The following SLC35F3 variants were observed in gnomAD, a reference collection of about 807,000 sequenced individuals.
SLC35F3 encodes putative thiamine transporter SLC35F3.
SLC35F3 carries 25 observed loss-of-function variants against 49.9 expected under a neutral mutation model. That is an observed-to-expected ratio of 0.50 (90% CI 0.37 to 0.70). The LOEUF (loss-of-function observed/expected upper bound fraction) is 0.70, where lower values mean the gene tolerates loss of function less well. Ranked by LOEUF, SLC35F3 falls within the 30% of genes least tolerant of loss-of-function variation. The probability of loss-of-function intolerance (pLI) is 0.00; values close to 1 mark genes in which losing one functional copy is unlikely to be tolerated. For missense variants in SLC35F3, 525 were observed against 639.8 expected (o/e 0.82, Z 1.94); for synonymous variants, 275 against 265.4 (o/e 1.04, Z -0.35).
At chr1:234,196,265 G>A (rs911143995) in intron 2 of SLC35F3, among the ~76,000 whole-genome samples, 9 of 152,286 alleles carry the variant, frequency 5.9e-5, no homozygotes, top group South Asian at 2.1e-4. Flanking sequence ...AAATTTCTGC[G>A]TAATCTTCCC....
At chr1:234,227,223 A>G (rs1341695183) in intron 2 of SLC35F3, among the ~76,000 whole-genome samples, 4 of 152,154 alleles carry the variant, frequency 2.6e-5, no homozygotes, top group South Asian at 2.1e-4. Context: ...AAGGCACAAG[A>G]TGATCATAAA....
chr1:234,206,033 G>A (rs61822416), intron 2 of SLC35F3, among the ~76,000 whole-genome samples: 63,063 of 151,982 alleles, frequency 0.41, 16,069 homozygotes, highest in Non-Finnish European at 0.58. Context: ...ACTTGCTGGT[G>A]AGGATGTTAT....
chr1:234,151,223 C>T (rs1226605846), intron 2 of SLC35F3, among the ~76,000 whole-genome samples: 1 of 151,144 alleles, frequency 6.6e-6, no homozygotes. Flanking sequence ...GCCAGGAAAT[C>T]CCAGAAAGCA....
chr1:233,926,961 G>A (rs1461607481), intron 2 of SLC35F3, among the ~76,000 whole-genome samples: 2 of 152,180 alleles, frequency 1.3e-5, no homozygotes, highest in African/African-American at 2.4e-5. Flanking sequence ...GGTATCACCA[G>A]CGGAGGCTGC....
intron 3 of SLC35F3, among the ~76,000 whole-genome samples, chr1:234,244,817 T>C (rs1436494435): frequency 6.6e-6 from 1 of 152,198 alleles, no homozygotes; most frequent in African/African-American, 2.4e-5. Flanking sequence ...GATTTGTGCA[T>C]TTAGGGTCTT....
Position 234,214,634 on chromosome 1 carries a change from C to A in SLC35F3, c.284-16783C>A. On this transcript the variant is annotated intron_variant, in intron 2 of 7. Coordinates refer to ENST00000366618, the MANE Select transcript of SLC35F3 (RefSeq NM_173508.4). This position sits in a 1 kb window ranked among gnomAD's most constrained non-coding sequence, Gnocchi z 8.0. Reference sequence around the variant, plus strand: ...CACCCTAGCCGGGGAATGCTGCCACCCTGAGGGGGGCTGTCTGGCTGCGGG... The same window carrying A: ...CACCCTAGCCGGGGAATGCTGCCACACTGAGGGGGGCTGTCTGGCTGCGGG... 6.7e-7 allele frequency: 1 copy of A among 1,496,742 alleles called. No homozygotes were observed. The highest frequency in any genetic ancestry group is 8.9e-7 in the Non-Finnish European group (1 of 1,120,438). 92.7% of individuals were successfully genotyped at this position (1,496,742 alleles called of 1,614,324 possible).
chr1:234,280,962 C>T (rs894519910), intron 3 of SLC35F3, among the ~76,000 whole-genome samples: 4 of 152,152 alleles, frequency 2.6e-5, no homozygotes, highest in South Asian at 2.1e-4. Context: ...TGAAGGGCTG[C>T]GGATCCTGCA....
At chr1:234,177,060 G>A (rs1407916767) in intron 2 of SLC35F3, among the ~76,000 whole-genome samples, 3 of 152,154 alleles carry the variant, frequency 2.0e-5, no homozygotes, top group South Asian at 2.1e-4. Flanking sequence ...GGAACCCAGC[G>A]GGAGGTGAGT....
intron 2 of SLC35F3, among the ~76,000 whole-genome samples, chr1:234,148,124 A>T (rs1472389290): frequency 2.0e-5 from 3 of 152,290 alleles, no homozygotes; most frequent in Non-Finnish European, 4.4e-5. Flanking sequence ...CTGCCAAGTT[A>T]TCCCTTCCTG....
chr1:234,013,910 T>TA (rs1217619405), intron 2 of SLC35F3, among the ~76,000 whole-genome samples: 1 of 151,868 alleles, frequency 6.6e-6, no homozygotes, highest in Non-Finnish European at 1.5e-5. Flanking sequence ...CAAATATTTT[T>TA]AAAAATAATA....
In SLC35F3 at chr1:234,034,939, TC is replaced by T. The variant is rs574131161; in HGVS notation, c.283+129183del. 1.5e-3 allele frequency among the ~76,000 whole-genome samples: 232 copies of T among 152,320 alleles called. 1 individual carries two copies. The highest frequency in any genetic ancestry group is 5.5e-3 in the African/African-American group (228 of 41,582). Reference sequence around the variant, plus strand: ...TCTATGACCCTATCATAAATTCAACTCCAAACTCTGCACCAATTTTTTTTAA... The same window carrying T: ...TCTATGACCCTATCATAAATTCAACTCAAACTCTGCACCAATTTTTTTTAA... On this transcript the variant is annotated intron_variant, in intron 2 of 7. Transcript: ENST00000366618.
In SLC35F3 at chr1:234,115,414, A is replaced by G. The variant is rs189131492; in HGVS notation, c.284-116003A>G. Among the ~76,000 whole-genome samples the G allele has an allele frequency of 5.9e-3, 894 of 152,238 alleles. 3 individuals are homozygous for G. Among genetic ancestry groups the G allele is most frequent in the Admixed American group, 0.017 (261 of 15,290 alleles). ...ACATAATGGGCTGCTCTGAGGACCA[A>G]TGCTTTGCCAACCCAAAGCATTTCC... On this transcript the variant is annotated intron_variant, in intron 2 of 7. Transcript: ENST00000366618.
intron 3 of SLC35F3, among the ~76,000 whole-genome samples, chr1:234,244,092 A>G (rs1274157236): frequency 6.6e-6 from 1 of 152,216 alleles, no homozygotes; most frequent in Non-Finnish European, 1.5e-5. Context: ...CATAACAGCT[A>G]GCATGACATT....
At chr1:234,072,704 G>A (rs72756194) in intron 2 of SLC35F3, among the ~76,000 whole-genome samples, 1 of 152,314 alleles carries the variant, frequency 6.6e-6, no homozygotes, top group Non-Finnish European at 1.5e-5. Flanking sequence ...TTGCAATGAG[G>A]CTATGCTTGA....
At chr1:234,035,484 C>T (rs564057209) in intron 2 of SLC35F3, among the ~76,000 whole-genome samples, 6 of 152,146 alleles carry the variant, frequency 3.9e-5, no homozygotes, top group Non-Finnish European at 7.3e-5. Flanking sequence ...TTGGAACACT[C>T]AGAAACTCAG....
chr1:234,243,363 A>G (rs1456004789), intron 3 of SLC35F3, among the ~76,000 whole-genome samples: 1 of 152,108 alleles, frequency 6.6e-6, no homozygotes. Context: ...AAAATAATAA[A>G]GTGTTACTGG....
In SLC35F3 at chr1:234,281,557, A is replaced by C. The variant is rs115268434; in HGVS notation, c.609-27544A>C. 2.7e-3 allele frequency among the ~76,000 whole-genome samples: 417 copies of C among 152,328 alleles called. 2 individuals are homozygous for C. The highest frequency in any genetic ancestry group is 9.4e-3 in the African/African-American group (390 of 41,568). ...AAACAGTGATGTAAGAAGATGTTAA[A>C]ACAGACTTTTCAAAACATCTCAGAA... is the stretch of plus-strand genomic sequence containing the variant. On this transcript the variant is annotated intron_variant, in intron 3 of 7. Transcript: ENST00000366618.
intron 2 of SLC35F3, among the ~76,000 whole-genome samples, chr1:233,981,413 A>G (rs565468468): frequency 6.6e-6 from 1 of 152,328 alleles, no homozygotes; most frequent in South Asian, 2.1e-4. Context: ...ATCATATCGT[A>G]TAATCTCATC....
At chr1:234,080,727 A>G (rs1221997644) in intron 2 of SLC35F3, among the ~76,000 whole-genome samples, 1 of 152,204 alleles carries the variant, frequency 6.6e-6, no homozygotes, top group African/African-American at 2.4e-5. Context: ...ATACAGAAAG[A>G]AAGTAGGTTA....
Sources: gnomAD v4.1 joint callset for allele counts (sites outside exome capture counted in the v4.1 genomes callset) on GRCh38, gnomAD v4.1.1 for gene constraint, Gnocchi (gnomAD v3.1) non-coding constraint, MANE v1.5 for transcripts, NCBI Gene and HGNC (gene_info 2026-07-23, HGNC 2026-07-21) for gene names.